GABRG1: variants seen among roughly 807,000 people sequenced by gnomAD.
GABRG1 encodes the protein gamma-aminobutyric acid receptor subunit gamma-1.
Under a neutral mutation model 49.8 loss-of-function variants are expected in GABRG1, and 49 were observed. The ratio of observed to expected loss-of-function variants is 0.98; its 90% CI spans 0.78 to 1.25. The LOEUF (loss-of-function observed/expected upper bound fraction) is 1.25, where lower values mean the gene tolerates loss of function less well. GABRG1 is among the 50% of genes most tolerant of loss of function. The pLI, the probability that GABRG1 is intolerant of heterozygous loss-of-function variation, is 0.00. For synonymous variants in GABRG1, 232 were observed against 185.1 expected (o/e 1.25, Z -2.06); for missense variants, 552 against 552.3 (o/e 1.00, Z 0.01).
intron 2 of GABRG1, among the ~76,000 whole-genome samples, chr4:46,086,760 C>A (rs569436658): frequency 7.3e-4 from 111 of 151,738 alleles, no homozygotes; most frequent in African/African-American, 1.9e-3. Context: ...AAGCAAGCAA[C>A]CACCTAGTGT....
At position 46,057,250 on chromosome 4, in the gene GABRG1, T is replaced by C. The variant is rs561907476; in HGVS notation, c.916+967A>G. Among the ~76,000 whole-genome samples the C allele has an allele frequency of 4.6e-5, 7 of 152,252 alleles. No individual in the cohort carries two copies. In the East Asian group the frequency reaches 1.4e-3, roughly 29 times the overall value. On this transcript the variant is annotated intron_variant, in intron 7 of 8. Coordinates refer to ENST00000295452, the MANE Select transcript of GABRG1 (RefSeq NM_173536.4). ...CAAGAGAACTTCAAGTATAGACCCA[T>C]GTGCCTCATGCATTGTTGTTGTCAC...
At position 46,074,787 on chromosome 4, in the gene GABRG1, C is replaced by T. The variant is rs143851850; in HGVS notation, c.321+9199G>A. 3.2e-3 allele frequency among the ~76,000 whole-genome samples: 493 copies of T among 152,070 alleles called. 2 individuals carry two copies. Among genetic ancestry groups the T allele is most frequent in the African/African-American group, 0.011 (473 of 41,504 alleles). On this transcript the variant is annotated intron_variant, in intron 3 of 8. Transcript: ENST00000295452. ...GGGATAAGGTATTGTCTTTTAATTA[C>T]GTACATAATTTTAAATACTTTCCAG...
At chr4:46,047,994 G>T (rs183729533) in intron 8 of GABRG1, among the ~76,000 whole-genome samples, 6 of 151,966 alleles carry the variant, frequency 3.9e-5, no homozygotes, top group Admixed American at 1.3e-4. Flanking sequence ...AAATAAGTAA[G>T]TTCAATCCTC....
chr4:46,108,342 G>A lies in GABRG1; in HGVS notation c.105-10993C>T, dbSNP rs1720619383. Reference sequence around the variant, plus strand: ...TATATGTCACTAAATCTCCGTGTGAGAAGTAGTGTTTTGCACAGCCACTTG... The same window carrying A: ...TATATGTCACTAAATCTCCGTGTGAAAAGTAGTGTTTTGCACAGCCACTTG... On this transcript the variant is annotated intron_variant, in intron 1 of 8. Transcript: ENST00000295452. Among the ~76,000 whole-genome samples the A allele has an allele frequency of 2.0e-5, 3 of 151,082 alleles. No individual in the cohort carries two copies. In the Admixed American group the frequency reaches 2.0e-4, roughly 10 times the overall value.
rs1560360726 is a variant in GABRG1 at position 46,076,361 on chromosome 4, T to TTATATATA, written c.321+7624_321+7625insTATATATA. 8.3e-4 allele frequency among the ~76,000 whole-genome samples: 65 copies of TTATATATA among 78,136 alleles called. 8 individuals are homozygous for TTATATATA. The highest frequency in any genetic ancestry group is 1.1e-3 in the Admixed American group (8 of 7,082). 51.3% of individuals were successfully genotyped at this position (78,136 alleles called of 152,430 possible). On this transcript the variant is annotated intron_variant, in intron 3 of 8. Transcript: ENST00000295452. ...TACCTAAATTTATCTTAGGTCATGT[T>TTATATATA]CATATATATATATATATATATATAT...
At chr4:46,084,349 C>T (rs1487502011) in intron 2 of GABRG1, among the ~76,000 whole-genome samples, 3 of 151,602 alleles carry the variant, frequency 2.0e-5, no homozygotes, top group South Asian at 4.1e-4. Flanking sequence ...CTCAGTTATC[C>T]TTTTCAAACT....
At chr4:46,093,704 C>G (rs1038933009) in intron 2 of GABRG1, among the ~76,000 whole-genome samples, 1 of 151,718 alleles carries the variant, frequency 6.6e-6, no homozygotes, top group African/African-American at 2.4e-5. Flanking sequence ...ACCTCATGTA[C>G]CCCATAAATG....
intron 2 of GABRG1, among the ~76,000 whole-genome samples, chr4:46,092,356 G>C (rs1437629068): frequency 6.6e-6 from 1 of 151,922 alleles, no homozygotes; most frequent in Non-Finnish European, 1.5e-5. Flanking sequence ...AAAAAGGTTT[G>C]AAATTTCTTT....
Position 46,065,417 on chromosome 4 carries a change from A to C in GABRG1, c.489T>G (p.Thr163=). The change falls in exon 4 of 9, where the codon ACT becomes ACG. Residue 163 remains threonine, a synonymous_variant. Coordinates refer to ENST00000295452, the MANE Select transcript of GABRG1 (RefSeq NM_173536.4). ...TCCAAATTCGAAGCAGACGATTAGG[A>C]GTTGTTATCCAGTGAGCATCAGATT... ...SRKSDAHWIT[T]PNRLLRIWND... is the part of the protein sequence containing the mutation. 1 of 1,613,346 alleles carries C rather than the reference A, an allele frequency of 6.2e-7. No homozygotes were observed. The highest frequency in any genetic ancestry group is 8.5e-7 in the Non-Finnish European group (1 of 1,179,660).
chr4:46,103,631 TTTTTGCCTG>T (rs1720450142), intron 1 of GABRG1, among the ~76,000 whole-genome samples: 1 of 151,464 alleles, frequency 6.6e-6, no homozygotes, highest in African/African-American at 2.4e-5. Context: ...GAAATCCAAA[TTTTTGCCTG>T]TTATAATTAA....
At chr4:46,115,531 A>G (rs1411537060) in intron 1 of GABRG1, among the ~76,000 whole-genome samples, 1 of 150,782 alleles carries the variant, frequency 6.6e-6, no homozygotes, top group Non-Finnish European at 1.5e-5. Context: ...AAGTTGAGTA[A>G]AAAACTCAAA....
chr4:46,123,101 A>AACACACACAC (rs34086673), intron 1 of GABRG1, among the ~76,000 whole-genome samples: 139 of 129,570 alleles, frequency 1.1e-3, no homozygotes, highest in African/African-American at 2.5e-3. Context: ...CATACACACA[A>AACACACACAC]ACACACACAC....
chr4:46,089,119 C>CA (rs771000138), intron 2 of GABRG1, among the ~76,000 whole-genome samples: 2 of 151,848 alleles, frequency 1.3e-5, no homozygotes, highest in Non-Finnish European at 2.9e-5. Context: ...TTTTTGACCT[C>CA]AAGAGAGTTG....
chr4:46,066,540 G>A (rs754784434), intron 3 of GABRG1, among the ~76,000 whole-genome samples: 1 of 152,080 alleles, frequency 6.6e-6, no homozygotes, highest in African/African-American at 2.4e-5. Context: ...ATAAGCAGTT[G>A]ATATGGAAAC....
intron 1 of GABRG1, among the ~76,000 whole-genome samples, chr4:46,112,605 G>C (rs1720752412): frequency 6.6e-6 from 1 of 151,130 alleles, no homozygotes; most frequent in Admixed American, 6.6e-5. Context: ...ATTAGTGGTG[G>C]ATTGGATAAA....
intron 8 of GABRG1, among the ~76,000 whole-genome samples, chr4:46,044,809 G>A (rs1290869336): frequency 1.3e-5 from 2 of 152,068 alleles, no homozygotes; most frequent in African/African-American, 2.4e-5. Flanking sequence ...TAAAGATGAC[G>A]ACGGTTGGCA....
intron 3 of GABRG1, among the ~76,000 whole-genome samples, chr4:46,073,189 C>T (rs1273145611): frequency 2.0e-5 from 3 of 151,802 alleles, no homozygotes; most frequent in Non-Finnish European, 4.4e-5. Flanking sequence ...TAATGTAATT[C>T]CCTTCACAAT....
At chr4:46,072,475 A>G (rs763087534) in intron 3 of GABRG1, among the ~76,000 whole-genome samples, 1 of 152,068 alleles carries the variant, frequency 6.6e-6, no homozygotes, top group Admixed American at 6.6e-5. Flanking sequence ...TCTTTTCCAG[A>G]CAAGGGACAA....
intron 3 of GABRG1, among the ~76,000 whole-genome samples, chr4:46,070,531 GT>G (rs1553880801): frequency 6.6e-6 from 1 of 151,992 alleles, no homozygotes; most frequent in Non-Finnish European, 1.5e-5. Context: ...TGAATTCTGG[GT>G]TTGGAGCAAG....
Sources: gnomAD v4.1 joint callset for allele counts (sites outside exome capture counted in the v4.1 genomes callset) on GRCh38, gnomAD v4.1.1 for gene constraint, MANE v1.5 for transcripts, NCBI Gene and HGNC (gene_info 2026-07-23, HGNC 2026-07-21) for gene names.